Variants in NTNG1 observed in about 807,000 individuals in gnomAD.
NTNG1 encodes netrin G1.
A neutral mutation model predicts 54.0 loss-of-function variants in NTNG1; 16 were observed. The ratio of observed to expected loss-of-function variants is 0.30; its 90% CI spans 0.20 to 0.45. NTNG1 has a LOEUF of 0.45. Among genes scored for constraint, NTNG1 ranks in the 20% least tolerant of loss-of-function variants. The pLI is 1.00. For synonymous variants in NTNG1, 255 were observed against 263.1 expected (o/e 0.97, Z 0.30); for missense variants, 530 against 678.7 (o/e 0.78, Z 2.43).
chr1:107,442,328 A>G (rs1676015676), intron 7 of NTNG1, among the ~76,000 whole-genome samples: 1 of 152,152 alleles, frequency 6.6e-6, no homozygotes, highest in Non-Finnish European at 1.5e-5. Context: ...AGACCTTTTT[A>G]AAAATGGGTG....
At chr1:107,290,859 T>C (rs983464364) in intron 2 of NTNG1, among the ~76,000 whole-genome samples, 1 of 151,156 alleles carries the variant, frequency 6.6e-6, no homozygotes, top group Non-Finnish European at 1.5e-5. Flanking sequence ...CTCATGTATA[T>C]ATATTGAATA....
intron 2 of NTNG1, among the ~76,000 whole-genome samples, chr1:107,191,949 C>T (rs554463093): frequency 8.4e-4 from 128 of 152,118 alleles, no homozygotes; most frequent in African/African-American, 2.9e-3. Context: ...AAGTAGTTTT[C>T]TCCAATTCTG....
intron 2 of NTNG1, among the ~76,000 whole-genome samples, chr1:107,291,264 C>T (rs1310590369): frequency 6.6e-6 from 1 of 151,962 alleles, no homozygotes; most frequent in Admixed American, 6.6e-5. Flanking sequence ...TTTCTTTTCT[C>T]TGGCTTACTT....
At chr1:107,232,038 C>T (rs946916063) in intron 2 of NTNG1, among the ~76,000 whole-genome samples, 2 of 152,138 alleles carry the variant, frequency 1.3e-5, no homozygotes, top group Admixed American at 1.3e-4. Flanking sequence ...CAGCTTGGTA[C>T]TATGTGGATA....
intron 2 of NTNG1, among the ~76,000 whole-genome samples, chr1:107,313,224 C>T (rs1667127596): frequency 6.6e-6 from 1 of 152,120 alleles, no homozygotes; most frequent in South Asian, 2.1e-4. Context: ...TAGAATACCC[C>T]TCAATTGAGA....
chr1:107,356,722 C>A (rs979731960), intron 3 of NTNG1, among the ~76,000 whole-genome samples: 2 of 151,480 alleles, frequency 1.3e-5, no homozygotes, highest in African/African-American at 2.4e-5. Flanking sequence ...AATTAAAGAC[C>A]AATCTGGTGG....
chr1:107,321,861 C>T (rs1366677390), intron 2 of NTNG1, among the ~76,000 whole-genome samples: 2 of 151,712 alleles, frequency 1.3e-5, no homozygotes, highest in Non-Finnish European at 2.9e-5. Context: ...ATTCAGCAAG[C>T]CAGGGAAGGG....
intron 4 of NTNG1, 99 bp downstream of exon 4, chr1:107,395,425 T>C: frequency 9.0e-7 from 1 of 1,109,678 alleles, no homozygotes; most frequent in African/African-American, 1.5e-5. Flanking sequence ...TCTTACCAGT[T>C]GTCTCATTCT....
intron 2 of NTNG1, among the ~76,000 whole-genome samples, chr1:107,276,535 C>T (rs1469455554): frequency 6.6e-6 from 1 of 152,074 alleles, no homozygotes; most frequent in Non-Finnish European, 1.5e-5. Context: ...CAGCCTTTCT[C>T]ATGTGGAAGA....
chr1:107,407,779 T>G (rs1481163226), intron 5 of NTNG1, 71 bp downstream of exon 5: 2 of 1,267,384 alleles, frequency 1.6e-6, no homozygotes, highest in Non-Finnish European at 2.3e-6. Context: ...GTTCACCTCC[T>G]CAGATCTATT....
At chr1:107,210,929 C>A (rs1465374526) in intron 2 of NTNG1, among the ~76,000 whole-genome samples, 4 of 152,104 alleles carry the variant, frequency 2.6e-5, no homozygotes, top group Non-Finnish European at 4.4e-5. Context: ...TCTTTCTTAG[C>A]AATTGTCTTA....
chr1:107,461,345 G>A (rs188434556), intron 7 of NTNG1, among the ~76,000 whole-genome samples: 13 of 152,062 alleles, frequency 8.5e-5, no homozygotes, highest in Non-Finnish European at 1.3e-4. Flanking sequence ...TGTTCCAGGC[G>A]GAGGAGACAA....
intron 7 of NTNG1, among the ~76,000 whole-genome samples, chr1:107,465,018 G>A (rs912743515): frequency 7.2e-5 from 11 of 151,942 alleles, no homozygotes; most frequent in Admixed American, 1.3e-4. Flanking sequence ...TCCCTCTACT[G>A]CCCTTCTCAC....
At chr1:107,363,586 G>A (rs898689030) in intron 3 of NTNG1, among the ~76,000 whole-genome samples, 3 of 151,960 alleles carry the variant, frequency 2.0e-5, no homozygotes, top group African/African-American at 4.8e-5. Context: ...AATAATATCA[G>A]TCTCTTTTCT....
chr1:107,203,707 A>G (rs1557806129), intron 2 of NTNG1, among the ~76,000 whole-genome samples: 2 of 151,468 alleles, frequency 1.3e-5, no homozygotes, highest in Non-Finnish European at 3.0e-5. Flanking sequence ...TAATCTAAGA[A>G]TATCTATTTT....
chr1:107,398,256 T>C (rs1428699484), intron 4 of NTNG1, among the ~76,000 whole-genome samples: 2 of 152,100 alleles, frequency 1.3e-5, no homozygotes, highest in Non-Finnish European at 2.9e-5. Context: ...ACCTGCACAA[T>C]GTGCACATGT....
intron 2 of NTNG1, among the ~76,000 whole-genome samples, chr1:107,286,685 C>T (rs1665223600): frequency 6.6e-6 from 1 of 152,116 alleles, no homozygotes; most frequent in Non-Finnish European, 1.5e-5. Flanking sequence ...AAAGTCACTT[C>T]CTTAGGGTGT....
chr1:107,329,915 A>AG lies in NTNG1; in HGVS notation c.887+4993_887+4994insG, dbSNP rs1446011648. Among the ~76,000 whole-genome samples the AG allele has an allele frequency of 2.0e-5, 3 of 152,068 alleles. No homozygotes were observed. The South Asian group carries it at 6.2e-4, about 32-fold the overall frequency. Reference sequence around the variant, plus strand: ...TATAAACAACAACGACAAAAAAAAAATGATGATAATGTGGGTTAAGTGATT... The same window carrying AG: ...TATAAACAACAACGACAAAAAAAAAAGTGATGATAATGTGGGTTAAGTGATT... On this transcript the variant is annotated intron_variant, in intron 3 of 7. Transcript: ENST00000370068.
intron 2 of NTNG1, among the ~76,000 whole-genome samples, chr1:107,283,200 C>T (rs1411630313): frequency 4.6e-5 from 7 of 152,146 alleles, no homozygotes; most frequent in African/African-American, 9.7e-5. Context: ...ATAACCTTCC[C>T]TCTGATTTCT....
Sources: gnomAD v4.1 joint callset for allele counts (sites outside exome capture counted in the v4.1 genomes callset) on GRCh38, gnomAD v4.1.1 for gene constraint, MANE v1.5 for transcripts, NCBI Gene and HGNC (gene_info 2026-07-23, HGNC 2026-07-21) for gene names.